EDRF1: variants seen among roughly 807,000 people sequenced by gnomAD.
The protein encoded by EDRF1 is erythroid differentiation-related factor 1.
In EDRF1, 69 loss-of-function variants were observed where a neutral mutation model predicts 148.7. The observed-to-expected ratio is 0.46, with a 90% confidence interval of 0.38 to 0.57. The LOEUF (loss-of-function observed/expected upper bound fraction) is 0.57. EDRF1 is among the 20% of genes least tolerant of loss of function. The probability of loss-of-function intolerance (pLI) is 0.00; values close to 1 mark genes in which losing one functional copy is unlikely to be tolerated. For synonymous variants in EDRF1, 515 were observed against 532.8 expected, an observed-to-expected ratio of 0.97 and a Z score of 0.46; for missense variants, 1,118 against 1,478.7, an observed-to-expected ratio of 0.76 and a Z score of 4.00.
chr10:125,740,985 C>T lies in EDRF1; in HGVS notation c.2171-16C>T. On this transcript the variant is annotated splice_polypyrimidine_tract_variant and intron_variant, in intron 16 of 24. Coordinates refer to ENST00000356792, the MANE Select transcript of EDRF1 (RefSeq NM_001202438.2). ...CTGCATTTGTGTTTTTTCTTCTTCC[C>T]TCCCTTTCTAAACAGATACTTATTG... The T allele has an allele frequency of 6.2e-7, 1 of 1,612,910 alleles. No homozygotes were observed. Among genetic ancestry groups the T allele is most frequent in the Non-Finnish European group, 8.5e-7 (1 of 1,179,360 alleles).
chr10:125,732,240 G>T (rs975195209), intron 9 of EDRF1, among the ~76,000 whole-genome samples: 1 of 152,128 alleles, frequency 6.6e-6, no homozygotes, highest in African/African-American at 2.4e-5. Flanking sequence ...GGAGTGGGGA[G>T]CAAGAGAAAA....
rs565921295 is a variant in EDRF1, at chr10:125,746,248, C to T, written c.2814+318C>T. On this transcript the variant is annotated intron_variant, in intron 19 of 24. Transcript: ENST00000356792. Reference sequence around the variant, plus strand: ...TATTAGAAGAAAATATAGGTAGAGGCTTATATGATAGGTTACAGAAAGACT... The same window carrying T: ...TATTAGAAGAAAATATAGGTAGAGGTTTATATGATAGGTTACAGAAAGACT... 2.0e-5 allele frequency among the ~76,000 whole-genome samples: 3 copies of T among 152,258 alleles called. No individual in the cohort carries two copies. The South Asian group carries it at 6.2e-4, about 32-fold the overall frequency.
chr10:125,725,192 T>G, intron 4 of EDRF1, 126 bp from the exon 5 acceptor site: 1 of 1,166,490 alleles, frequency 8.6e-7, no homozygotes, highest in Non-Finnish European at 1.2e-6. Context: ...AAAGATATGT[T>G]TTTAATGAGT....
Position 125,738,000 on chromosome 10 carries a change from GT to G in EDRF1, c.1830+14del. On this transcript the variant is annotated intron_variant, in intron 14 of 24. Coordinates refer to ENST00000356792, the MANE Select transcript of EDRF1 (RefSeq NM_001202438.2). ...AGCTATGTTCTAGAGGTAAGTTTAA[GT>G]TTAGTCTTCACTTTTTTCGTAAAGT... 1 of 1,613,082 alleles carries G rather than the reference GT, an allele frequency of 6.2e-7. No individual in the cohort carries two copies. The highest frequency in any genetic ancestry group is 8.5e-7 in the Non-Finnish European group (1 of 1,179,110).
Position 125,735,827 on chromosome 10 carries a change from A to G in EDRF1, c.1681A>G (p.Ser561Gly). 6.2e-7 allele frequency: 1 copy of G among 1,613,582 alleles called. No homozygotes were observed. Among genetic ancestry groups the G allele is most frequent in the Non-Finnish European group, 8.5e-7 (1 of 1,179,580 alleles). ...YSTSSDPSDD[S>G]KAVAIIKSVG... is the part of the protein sequence containing the mutation. ...CACCAGCTCTGATCCATCAGATGAT[A>G]GCAAAGCAGTAGCTATAATCAAGTC... The change falls in exon 13 of 25, where the codon AGC (serine) becomes GGC (glycine). Residue 561 changes from serine (S) to glycine (G), a missense_variant. Coordinates refer to ENST00000356792, the MANE Select transcript of EDRF1 (RefSeq NM_001202438.2).
intron 10 of EDRF1, 28 bp from the exon 11 acceptor site, chr10:125,733,607 A>C: frequency 1.2e-6 from 2 of 1,611,816 alleles, no homozygotes; most frequent in African/African-American, 2.7e-5. Flanking sequence ...ACTGCTGTGA[A>C]ATGAGTCTTC....
At chr10:125,742,334 A>C in intron 17 of EDRF1, 1 of 1,263,252 alleles carries the variant, frequency 7.9e-7, no homozygotes, top group Non-Finnish European at 1.0e-6. Flanking sequence ...GTAAAAGATG[A>C]GTCTTCTGAA....
intron 24 of EDRF1, among the ~76,000 whole-genome samples, chr10:125,759,878 T>A (rs1850107945): frequency 6.6e-6 from 1 of 151,944 alleles, no homozygotes; most frequent in African/African-American, 2.4e-5. Flanking sequence ...ACCCGGCTAA[T>A]TTTTTGTATT....
intron 12 of EDRF1, among the ~76,000 whole-genome samples, chr10:125,735,348 T>A (rs1018619344): frequency 8.5e-5 from 13 of 152,180 alleles, no homozygotes; most frequent in African/African-American, 3.1e-4. Context: ...GTTATGACAC[T>A]CTGTACTCAA....
chr10:125,754,977 G>A (rs12415626), intron 24 of EDRF1, among the ~76,000 whole-genome samples: 2,156 of 152,182 alleles, frequency 0.014, 49 homozygotes, highest in East Asian at 0.09. Flanking sequence ...ATATAGATGT[G>A]TGCCTGCCAC....
intron 24 of EDRF1, among the ~76,000 whole-genome samples, chr10:125,762,261 G>A (rs1850226462): frequency 6.6e-6 from 1 of 152,186 alleles, no homozygotes; most frequent in Non-Finnish European, 1.5e-5. Flanking sequence ...AGAGGTGAAA[G>A]AGCATAGCAT....
intron 15 of EDRF1, 42 bp downstream of exon 15, chr10:125,738,487 A>G (rs748768542): frequency 1.9e-6 from 3 of 1,611,368 alleles, no homozygotes; most frequent in South Asian, 2.2e-5. Flanking sequence ...CAATAGAATA[A>G]TACACTGGTT....
At position 125,740,472 on chromosome 10, in the gene EDRF1, T is replaced by C; in HGVS notation, c.1991T>C (p.Leu664Pro). Residue 664 changes from leucine to proline, a missense_variant, in exon 16 of 25, where the codon CTT becomes CCT. By Grantham distance (98) the Leu-to-Pro change is moderately conservative. This residue lies in a region of EDRF1 where 954 missense variants were observed against 1,241.4 expected (regional missense o/e 0.77). Coordinates refer to ENST00000356792, the MANE Select transcript of EDRF1 (RefSeq NM_001202438.2). ...MALFLDKMGS[L>P]QKGNYSSQSG... ...TCTCTCCATGTCACAGTGGGCTCCC[T>C]TCAGAAGGGCAATTATTCCAGTCAA... The C allele has an allele frequency of 6.2e-7, 1 of 1,614,088 alleles. No individual in the cohort carries two copies. Among genetic ancestry groups the C allele is most frequent in the Non-Finnish European group, 8.5e-7 (1 of 1,180,008 alleles).
intron 18 of EDRF1, chr10:125,745,427 C>T: frequency 4.4e-6 from 2 of 454,270 alleles, no homozygotes; most frequent in South Asian, 4.5e-5. Context: ...CCCACCCTTA[C>T]AATCTCATTT....
chr10:125,745,684 G>GT (rs1564746393), intron 18 of EDRF1, 23 bp from the exon 19 acceptor site: 1 of 1,611,468 alleles, frequency 6.2e-7, no homozygotes, highest in South Asian at 1.1e-5. Flanking sequence ...TTACACAGTT[G>GT]TTTTCTTTCT....
chr10:125,758,157 T>G (rs1242720987), intron 24 of EDRF1, among the ~76,000 whole-genome samples: 1 of 152,240 alleles, frequency 6.6e-6, no homozygotes, highest in Non-Finnish European at 1.5e-5. Flanking sequence ...TTGTCTCTGT[T>G]ACAATGTTCC....
In EDRF1 at chr10:125,740,996, A is replaced by C; in HGVS notation, c.2171-5A>C. On this transcript the variant is annotated splice_region_variant and splice_polypyrimidine_tract_variant and intron_variant, in intron 16 of 24. Transcript: ENST00000356792. ...TTTTTTCTTCTTCCCTCCCTTTCTA[A>C]ACAGATACTTATTGCTGCCTCTGCA... 6.2e-7 allele frequency: 1 copy of C among 1,613,762 alleles called. No homozygotes were observed. Among genetic ancestry groups the C allele is most frequent in the Non-Finnish European group, 8.5e-7 (1 of 1,179,958 alleles).
At chr10:125,757,691 G>A (rs980641481) in intron 24 of EDRF1, among the ~76,000 whole-genome samples, 2 of 152,146 alleles carry the variant, frequency 1.3e-5, no homozygotes, top group African/African-American at 4.8e-5. Context: ...GAAGATCTTT[G>A]AGCAGAGTAT....
In EDRF1 at chr10:125,719,735, C is replaced by A. The variant is rs963223552; in HGVS notation, c.-73C>A. Reference sequence around the variant, plus strand: ...GTCCGCGGAGCGTCTCTGGCGCTTACCCTGCTTTGGGCCTGCGTTGCTGCT... The same window carrying A: ...GTCCGCGGAGCGTCTCTGGCGCTTAACCTGCTTTGGGCCTGCGTTGCTGCT... On this transcript the variant is annotated 5_prime_UTR_variant, in exon 1 of 25. Coordinates refer to ENST00000356792, the MANE Select transcript of EDRF1 (RefSeq NM_001202438.2). The A allele has an allele frequency of 1.6e-5, 20 of 1,246,480 alleles. No individual in the cohort carries two copies. The highest frequency in any genetic ancestry group is 2.0e-5 in the Non-Finnish European group (18 of 889,854). 77.2% of individuals were successfully genotyped at this position (1,246,480 alleles called of 1,614,324 possible).
Sources: gnomAD v4.1 joint callset for allele counts (sites outside exome capture counted in the v4.1 genomes callset) on GRCh38, gnomAD v4.1.1 for gene constraint, gnomAD v4.1.1 regional missense constraint, MANE v1.5 for transcripts, NCBI Gene and HGNC (gene_info 2026-07-23, HGNC 2026-07-21) for gene names.